The following PTPRT variants were observed in gnomAD, a reference collection of about 807,000 sequenced individuals.
PTPRT encodes protein tyrosine phosphatase receptor type T.
In PTPRT, 56 loss-of-function variants were observed where a neutral mutation model predicts 176.8. The observed-to-expected ratio is 0.32, with a 90% CI of 0.26 to 0.40. The LOEUF is 0.40. PTPRT is among the 10% of genes least tolerant of loss of function. The pLI, the probability that PTPRT is intolerant of heterozygous loss-of-function variation, is 1.00. For missense variants in PTPRT, 1,540 were observed against 1,908.2 expected, an observed-to-expected ratio of 0.81 and a Z score of 3.60; for synonymous variants, 783 against 739.0, an observed-to-expected ratio of 1.06 and a Z score of -0.96.
intron 1 of PTPRT, among the ~76,000 whole-genome samples, chr20:43,085,274 C>T (rs2146295909): frequency 6.6e-6 from 1 of 152,274 alleles, no homozygotes; most frequent in South Asian, 2.1e-4. Context: ...CTTTTACAAC[C>T]ATCCTTTGCT....
At chr20:42,626,321 C>G (rs1315168001) in intron 7 of PTPRT, among the ~76,000 whole-genome samples, 2 of 152,126 alleles carry the variant, frequency 1.3e-5, no homozygotes, top group Non-Finnish European at 2.9e-5. Context: ...TAAGAAGTCT[C>G]TGCTCTCTGT....
In PTPRT at chr20:42,116,149, T is replaced by C; in HGVS notation, c.2983-834A>G. On this transcript the variant is annotated intron_variant, in intron 21 of 30. Transcript: ENST00000373187. ...GAAACAAAAAACAAACAAAAAAAGG[T>C]TTTGTGGTCAAATGAGTTTGGGAAA... The C allele has an allele frequency of 4.2e-6, 3 of 713,994 alleles. No individual in the cohort carries two copies. The Admixed American group carries it at 6.1e-5, about 14-fold the overall frequency. The allele number at this position is 713,994 out of a possible 1,614,324, so 44.2% of individuals were successfully genotyped here. A position where few individuals can be genotyped will look rare whatever the true frequency, so the allele number is the denominator to read the frequency against.
intron 9 of PTPRT, among the ~76,000 whole-genome samples, chr20:42,398,615 T>C (rs2058874871): frequency 6.6e-6 from 1 of 152,192 alleles, no homozygotes; most frequent in African/African-American, 2.4e-5. Context: ...TCTTTGTATA[T>C]GTCTTGATCT....
At chr20:43,031,479 T>C (rs905250273) in intron 1 of PTPRT, among the ~76,000 whole-genome samples, 22 of 152,196 alleles carry the variant, frequency 1.4e-4, no homozygotes, top group African/African-American at 4.8e-4. Flanking sequence ...CTGTAAGCAA[T>C]ACAATTGCAT....
intron 1 of PTPRT, among the ~76,000 whole-genome samples, chr20:43,094,303 G>T (rs1346155591): frequency 2.0e-5 from 3 of 149,512 alleles, no homozygotes; most frequent in African/African-American, 7.4e-5. Flanking sequence ...GGCCAGGATG[G>T]TCTCCATCTC....
intron 13 of PTPRT, among the ~76,000 whole-genome samples, chr20:42,255,735 G>T (rs1004626295): frequency 6.6e-6 from 1 of 152,156 alleles, no homozygotes; most frequent in African/African-American, 2.4e-5. Context: ...TCCTTGTAAA[G>T]ATATGGAGCA....
chr20:42,310,482 G>C lies in PTPRT; in HGVS notation c.2139+5241C>G, dbSNP rs567529292. On this transcript the variant is annotated intron_variant, in intron 12 of 30. Transcript: ENST00000373187. Reference sequence around the variant, plus strand: ...CAAGTGGCTACAAGGGGAGAGTCAAGGAGACAGAATTTAGCTCTATATGGG... The same window carrying C: ...CAAGTGGCTACAAGGGGAGAGTCAACGAGACAGAATTTAGCTCTATATGGG... Among the ~76,000 whole-genome samples, 3 of 152,296 alleles carry C rather than the reference G, an allele frequency of 2.0e-5. No homozygotes were observed. In the East Asian group the frequency reaches 5.8e-4, roughly 29 times the overall value.
At position 42,106,146 on chromosome 20, in the gene PTPRT, T is replaced by A. The variant is rs1367547475; in HGVS notation, c.3390+640A>T. ...ATAATACTAGGAGCTACACCATAGC[T>A]GGTTTGGAGGAGTAGAAACAATACC... is the stretch of plus-strand genomic sequence containing the variant. On this transcript the variant is annotated intron_variant, in intron 24 of 30. Coordinates refer to ENST00000373187, the MANE Select transcript of PTPRT (RefSeq NM_007050.6). Among the ~76,000 whole-genome samples, 4 of 152,360 alleles carry A rather than the reference T, an allele frequency of 2.6e-5. No individual in the cohort carries two copies. In the East Asian group the frequency reaches 7.7e-4, roughly 29 times the overall value.
At chr20:43,156,521 T>C (rs1452554876) in intron 1 of PTPRT, among the ~76,000 whole-genome samples, 2 of 152,274 alleles carry the variant, frequency 1.3e-5, no homozygotes, top group East Asian at 1.9e-4. Flanking sequence ...TGGTATAAAA[T>C]GATGAATGAG....
chr20:43,120,800 C>T (rs1024897945), intron 1 of PTPRT, among the ~76,000 whole-genome samples: 2 of 152,182 alleles, frequency 1.3e-5, no homozygotes, highest in African/African-American at 4.8e-5. Context: ...TTTCCATAAA[C>T]ATTTTTCATG....
chr20:42,162,977 T>C (rs1165996836), intron 16 of PTPRT, among the ~76,000 whole-genome samples: 2 of 152,178 alleles, frequency 1.3e-5, no homozygotes, highest in African/African-American at 4.8e-5. Flanking sequence ...TGACTGACAA[T>C]TTTCCAGTTT....
chr20:42,672,437 A>C (rs2075429613), intron 7 of PTPRT, among the ~76,000 whole-genome samples: 2 of 152,170 alleles, frequency 1.3e-5, no homozygotes, highest in Admixed American at 1.3e-4. Context: ...GTGTGAGTCA[A>C]TACTCCTTAA....
Position 42,186,084 on chromosome 20 carries a change from A to G in PTPRT, c.2491+13156T>C, listed in dbSNP as rs73260996. On this transcript the variant is annotated intron_variant, in intron 16 of 30. Coordinates refer to ENST00000373187, the MANE Select transcript of PTPRT (RefSeq NM_007050.6). ...AAGGGAGAAGGGGGTCAGGAAAGGAAGAAATGTAAGAATGGAGGTCTAAAG... is the reference window on the plus strand; with the variant it reads ...AAGGGAGAAGGGGGTCAGGAAAGGAGGAAATGTAAGAATGGAGGTCTAAAG... Among the ~76,000 whole-genome samples the G allele has an allele frequency of 2.4e-3, 361 of 152,250 alleles. 2 individuals are homozygous for G. Among genetic ancestry groups the G allele is most frequent in the African/African-American group, 8.4e-3 (347 of 41,550 alleles).
intron 2 of PTPRT, among the ~76,000 whole-genome samples, chr20:42,800,702 G>T (rs1314497464): frequency 6.6e-6 from 1 of 152,224 alleles, no homozygotes; most frequent in Non-Finnish European, 1.5e-5. Context: ...GAAAATACTG[G>T]ATTATTACCT....
intron 9 of PTPRT, among the ~76,000 whole-genome samples, chr20:42,386,235 A>G (rs1041908410): frequency 1.3e-5 from 2 of 152,220 alleles, no homozygotes; most frequent in Admixed American, 1.3e-4. Context: ...CCCATTTTAG[A>G]GCCTGAATTT....
chr20:42,184,174 C>T (rs1166107613), intron 16 of PTPRT, among the ~76,000 whole-genome samples: 1 of 152,176 alleles, frequency 6.6e-6, no homozygotes, highest in Non-Finnish European at 1.5e-5. Flanking sequence ...TTCAAGCAGA[C>T]ACAAGCTATC....
intron 18 of PTPRT, among the ~76,000 whole-genome samples, chr20:42,135,824 G>A (rs1469587143): frequency 6.6e-6 from 1 of 152,136 alleles, no homozygotes; most frequent in Non-Finnish European, 1.5e-5. Context: ...AATAACTCAG[G>A]AGAAGGTATA....
At chr20:42,321,265 A>G (rs2057795096) in intron 11 of PTPRT, among the ~76,000 whole-genome samples, 1 of 152,160 alleles carries the variant, frequency 6.6e-6, no homozygotes, top group South Asian at 2.1e-4. Flanking sequence ...GCTGCATATT[A>G]TAATTACCCA....
chr20:42,934,428 T>A (rs1980048139), intron 1 of PTPRT, among the ~76,000 whole-genome samples: 1 of 152,196 alleles, frequency 6.6e-6, no homozygotes, highest in Non-Finnish European at 1.5e-5. Flanking sequence ...ATACATTTAT[T>A]ATCTCACATT....
Sources: allele counts gnomAD v4.1 joint callset (sites outside exome capture counted in the v4.1 genomes callset), GRCh38; gene constraint gnomAD v4.1.1; transcripts MANE v1.5; gene names NCBI Gene and HGNC (gene_info 2026-07-23, HGNC 2026-07-21).